MSRB3: variants seen among roughly 807,000 people sequenced by gnomAD.
MSRB3 encodes methionine-R-sulfoxide reductase B3.
Under a neutral mutation model 21.0 loss-of-function variants are expected in MSRB3, and 13 were observed. The ratio of observed to expected loss-of-function variants is 0.62; its 90% confidence interval spans 0.40 to 0.98. MSRB3 has a LOEUF of 0.98. Among genes scored for constraint, MSRB3 ranks in the 50% least tolerant of loss-of-function variants. The pLI is 0.00. For missense variants in MSRB3, 199 were observed against 230.3 expected (o/e 0.86, Z 0.88); for synonymous variants, 87 against 88.6 (o/e 0.98, Z 0.10).
chr12:65,351,901 C>A (rs1458476569), intron 4 of MSRB3, among the ~76,000 whole-genome samples: 3 of 152,160 alleles, frequency 2.0e-5, no homozygotes, highest in Non-Finnish European at 4.4e-5. Context: ...GGAACTGGTA[C>A]CATTCCTTCT....
chr12:65,384,833 T>A (rs1476328425), intron 5 of MSRB3, among the ~76,000 whole-genome samples: 3 of 152,186 alleles, frequency 2.0e-5, no homozygotes, highest in Non-Finnish European at 2.9e-5. Flanking sequence ...TGTAATTTTT[T>A]AAAATTTATT....
intron 2 of MSRB3, among the ~76,000 whole-genome samples, chr12:65,322,049 T>C (rs1485573447): frequency 6.6e-6 from 1 of 152,170 alleles, no homozygotes; most frequent in Non-Finnish European, 1.5e-5. Context: ...CACCGAAATA[T>C]AAAATTTATG....
chr12:65,392,849 C>A (rs1374089459), intron 5 of MSRB3, among the ~76,000 whole-genome samples: 2 of 152,196 alleles, frequency 1.3e-5, no homozygotes, highest in Non-Finnish European at 2.9e-5. Flanking sequence ...TGTAAATGCA[C>A]AGAAAGAGTT....
chr12:65,387,134 A>G (rs1879233174), intron 5 of MSRB3, among the ~76,000 whole-genome samples: 1 of 152,132 alleles, frequency 6.6e-6, no homozygotes, highest in South Asian at 2.1e-4. Flanking sequence ...ACAGCAAAGA[A>G]TATAGTTTGA....
intron 4 of MSRB3, among the ~76,000 whole-genome samples, chr12:65,329,659 A>G (rs1308408257): frequency 2.0e-5 from 3 of 152,128 alleles, no homozygotes; most frequent in Admixed American, 2.0e-4. Flanking sequence ...AAAAAAAAAA[A>G]AAAGTAAATG....
At chr12:65,301,035 A>G (rs1333052179) in intron 1 of MSRB3, among the ~76,000 whole-genome samples, 3 of 152,148 alleles carry the variant, frequency 2.0e-5, no homozygotes, top group Non-Finnish European at 4.4e-5. Context: ...AATGACTACT[A>G]CCTATAGGAG....
At chr12:65,389,198 A>G (rs1245961184) in intron 5 of MSRB3, among the ~76,000 whole-genome samples, 1 of 152,186 alleles carries the variant, frequency 6.6e-6, no homozygotes, top group Non-Finnish European at 1.5e-5. Context: ...ATATTACCCC[A>G]TAGCTTCCTA....
At chr12:65,405,331 C>T (rs1448890306) in intron 5 of MSRB3, among the ~76,000 whole-genome samples, 1 of 151,990 alleles carries the variant, frequency 6.6e-6, no homozygotes, top group Non-Finnish European at 1.5e-5. Context: ...CCATTCCTGG[C>T]TTAAGTTTAC....
At chr12:65,336,222 A>G (rs1236245865) in intron 4 of MSRB3, among the ~76,000 whole-genome samples, 1 of 152,236 alleles carries the variant, frequency 6.6e-6, no homozygotes, top group Non-Finnish European at 1.5e-5. Context: ...AAACACAGCC[A>G]AAGCATGACT....
chr12:65,312,290 A>C (rs1191897642), intron 2 of MSRB3, among the ~76,000 whole-genome samples: 1 of 152,094 alleles, frequency 6.6e-6, no homozygotes, highest in Non-Finnish European at 1.5e-5. Flanking sequence ...GGGAACTTAT[A>C]CAGAGAAGTC....
At chr12:65,294,731 T>C (rs1238566628) in intron 1 of MSRB3, among the ~76,000 whole-genome samples, 1 of 152,108 alleles carries the variant, frequency 6.6e-6, no homozygotes, top group African/African-American at 2.4e-5. Flanking sequence ...TATGGACATA[T>C]TTGATGACAC....
chr12:65,379,757 A>C (rs1324189530), intron 5 of MSRB3, among the ~76,000 whole-genome samples: 1 of 152,182 alleles, frequency 6.6e-6, no homozygotes, highest in Non-Finnish European at 1.5e-5. Flanking sequence ...TTTGGCTACC[A>C]TTGATGCAGT....
intron 1 of MSRB3, among the ~76,000 whole-genome samples, chr12:65,298,012 T>TC (rs976339885): frequency 2.0e-5 from 3 of 152,086 alleles, no homozygotes; most frequent in African/African-American, 7.2e-5. Context: ...ACTTTTTTTT[T>TC]TTTTCTTTTG....
chr12:65,379,500 T>C (rs1878825570), intron 5 of MSRB3, among the ~76,000 whole-genome samples: 1 of 152,214 alleles, frequency 6.6e-6, no homozygotes, highest in South Asian at 2.1e-4. Context: ...CCACCTATTA[T>C]GTTCCCTTAT....
At chr12:65,306,417 A>G (rs374308510) in intron 1 of MSRB3, among the ~76,000 whole-genome samples, 13 of 152,222 alleles carry the variant, frequency 8.5e-5, no homozygotes, top group East Asian at 7.7e-4. Context: ...TCTCAGCTAC[A>G]TATTTTCAGA....
chr12:65,310,759 T>A (rs1565826190), intron 2 of MSRB3, among the ~76,000 whole-genome samples: 1 of 152,350 alleles, frequency 6.6e-6, no homozygotes, highest in East Asian at 1.9e-4. Flanking sequence ...TGATAGTTTT[T>A]AAAAAATTAA....
intron 5 of MSRB3, among the ~76,000 whole-genome samples, chr12:65,432,981 G>A (rs1376021809): frequency 6.7e-6 from 1 of 149,758 alleles, no homozygotes; most frequent in African/African-American, 2.4e-5. Context: ...AAAATAATAA[G>A]TGTTGGAGAG....
chr12:65,321,817 T>A (rs1303662953), intron 2 of MSRB3, among the ~76,000 whole-genome samples: 1 of 152,130 alleles, frequency 6.6e-6, no homozygotes, highest in Non-Finnish European at 1.5e-5. Context: ...ACCAACCAAA[T>A]TTACAGTGAA....
intron 5 of MSRB3, among the ~76,000 whole-genome samples, chr12:65,392,984 T>C (rs2136581952): frequency 6.6e-6 from 1 of 152,306 alleles, no homozygotes; most frequent in East Asian, 1.9e-4. Flanking sequence ...ACAAAGTTTC[T>C]TAGTATTTCT....
Sources: allele counts gnomAD v4.1 joint callset (sites outside exome capture counted in the v4.1 genomes callset), GRCh38; gene constraint gnomAD v4.1.1; transcripts MANE v1.5; gene names NCBI Gene and HGNC (gene_info 2026-07-23, HGNC 2026-07-21).